Variants in NSMCE2 observed in about 807,000 individuals in gnomAD.
The protein encoded by NSMCE2 is NSE2 SUMO ligase component of SMC5/6 complex.
NSMCE2 carries 24 observed loss-of-function variants against 23.8 expected under a neutral mutation model. The observed-to-expected ratio is 1.01, with a 90% CI of 0.73 to 1.42. NSMCE2 has a LOEUF of 1.42. Ranked by LOEUF, NSMCE2 falls within the 40% of genes most tolerant of loss-of-function variation. The pLI is 0.00. For synonymous variants in NSMCE2, 92 were observed against 94.1 expected, an observed-to-expected ratio of 0.98 and a Z score of 0.13; for missense variants, 284 against 296.5, an observed-to-expected ratio of 0.96 and a Z score of 0.31.
At chr8:125,294,549 A>T (rs1828247874) in intron 5 of NSMCE2, among the ~76,000 whole-genome samples, 1 of 152,180 alleles carries the variant, frequency 6.6e-6, no homozygotes, top group Non-Finnish European at 1.5e-5. Flanking sequence ...TGATGGATTA[A>T]TATTGTAATA....
chr8:125,123,873 ATTC>A (rs1819383823), intron 3 of NSMCE2, among the ~76,000 whole-genome samples: 1 of 152,180 alleles, frequency 6.6e-6, no homozygotes, highest in South Asian at 2.1e-4. Context: ...TAGCTTTTTT[ATTC>A]TTTTATTTGG....
Position 125,366,872 on chromosome 8 carries a change from G to A in NSMCE2, c.731G>A (p.Arg244His), listed in dbSNP as rs139815170. The part of the protein sequence containing the change: ...AIENHNKKRH[R>H]HSE The stretch of plus-strand genomic sequence containing the variant: ...GAGAACCATAACAAGAAAAGACATC[G>A]TCATTCCGAGTAGGAAAAGCCACCT... The change falls in exon 8 of 8, where the codon CGT becomes CAT. Residue 244 changes from arginine to histidine, a missense_variant. Physicochemically the swap from Arg to His is conservative, Grantham distance 29. This residue lies in a region of NSMCE2 where 102 missense variants were observed against 141.0 expected (regional missense o/e 0.72). Coordinates refer to ENST00000287437, the MANE Select transcript of NSMCE2 (RefSeq NM_173685.4). 72 of 1,600,630 alleles carry A rather than the reference G, an allele frequency of 4.5e-5. No homozygotes were observed. Among genetic ancestry groups the A allele is most frequent in the Non-Finnish European group, 5.5e-5 (64 of 1,167,876 alleles).
At chr8:125,356,889 C>A (rs889917052) in intron 5 of NSMCE2, among the ~76,000 whole-genome samples, 1 of 152,190 alleles carries the variant, frequency 6.6e-6, no homozygotes, top group African/African-American at 2.4e-5. Flanking sequence ...AAAAAGGGCA[C>A]CTTGCTAGCC....
chr8:125,131,528 T>C (rs1819771095), intron 3 of NSMCE2, among the ~76,000 whole-genome samples: 1 of 152,210 alleles, frequency 6.6e-6, no homozygotes, highest in South Asian at 2.1e-4. Context: ...CATCAGGATA[T>C]AGATATTGGA....
chr8:125,318,586 A>G (rs575543316), intron 5 of NSMCE2, among the ~76,000 whole-genome samples: 2 of 152,360 alleles, frequency 1.3e-5, no homozygotes, highest in South Asian at 4.1e-4. Flanking sequence ...CTATTGTATC[A>G]GCCAAAAACT....
intron 5 of NSMCE2, among the ~76,000 whole-genome samples, chr8:125,261,398 A>G (rs1826686246): frequency 6.6e-6 from 1 of 152,208 alleles, no homozygotes; most frequent in African/African-American, 2.4e-5. Flanking sequence ...TTATTTATTG[A>G]AGCATCTGCT....
At chr8:125,222,392 TA>T (rs1185529733) in intron 5 of NSMCE2, among the ~76,000 whole-genome samples, 3 of 152,196 alleles carry the variant, frequency 2.0e-5, no homozygotes, top group Non-Finnish European at 4.4e-5. Context: ...CTCCTCTAAG[TA>T]ATTTTGAAGT....
At chr8:125,350,214 G>A (rs1189044198) in intron 5 of NSMCE2, among the ~76,000 whole-genome samples, 2 of 152,216 alleles carry the variant, frequency 1.3e-5, no homozygotes, top group Non-Finnish European at 2.9e-5. Flanking sequence ...GACATGTGCT[G>A]TGTGGAGAAC....
At chr8:125,097,060 G>T (rs530337710) in intron 1 of NSMCE2, among the ~76,000 whole-genome samples, 1 of 152,074 alleles carries the variant, frequency 6.6e-6, no homozygotes, top group Non-Finnish European at 1.5e-5. Context: ...TGTGTAAAAT[G>T]TCTCAACTTG....
intron 5 of NSMCE2, among the ~76,000 whole-genome samples, chr8:125,240,280 AC>A (rs1193767033): frequency 6.6e-6 from 1 of 151,958 alleles, no homozygotes; most frequent in African/African-American, 2.4e-5. Flanking sequence ...ACAAGCCTCC[AC>A]CCCTGGCTAA....
At chr8:125,292,025 G>A (rs1333780230) in intron 5 of NSMCE2, among the ~76,000 whole-genome samples, 3 of 151,882 alleles carry the variant, frequency 2.0e-5, no homozygotes, top group African/African-American at 7.3e-5. Flanking sequence ...AATGAGATTG[G>A]GCCAGGACTA....
intron 5 of NSMCE2, among the ~76,000 whole-genome samples, chr8:125,294,472 C>G (rs1828245496): frequency 6.6e-6 from 1 of 152,116 alleles, no homozygotes; most frequent in African/African-American, 2.4e-5. Context: ...ATGTTATTGT[C>G]TCTTTTTTAT....
chr8:125,346,135 C>G (rs1830427816), intron 5 of NSMCE2, among the ~76,000 whole-genome samples: 1 of 151,474 alleles, frequency 6.6e-6, no homozygotes, highest in Non-Finnish European at 1.5e-5. Flanking sequence ...CCAGCCTGGG[C>G]TACAAGAGCG....
intron 5 of NSMCE2, among the ~76,000 whole-genome samples, chr8:125,298,687 G>A (rs1174303947): frequency 1.2e-5 from 1 of 85,954 alleles, no homozygotes; most frequent in South Asian, 3.8e-4. Context: ...TCATCTGTGG[G>A]TTTTTTTTTG....
intron 5 of NSMCE2, among the ~76,000 whole-genome samples, chr8:125,246,154 A>G (rs151025548): frequency 1.7e-4 from 26 of 152,154 alleles, no homozygotes; most frequent in Admixed American, 1.5e-3. Flanking sequence ...TGACAATTCA[A>G]TCTGCAAAAT....
intron 5 of NSMCE2, among the ~76,000 whole-genome samples, chr8:125,291,251 A>G (rs7003102): frequency 0.22 from 33,305 of 152,132 alleles, 4,315 homozygotes; most frequent in African/African-American, 0.36. Context: ...ATCATAAAAG[A>G]TTCCGTTTAC....
chr8:125,336,907 C>T (rs1586789254), intron 5 of NSMCE2, among the ~76,000 whole-genome samples: 3 of 152,222 alleles, frequency 2.0e-5, no homozygotes, highest in Non-Finnish European at 2.9e-5. Context: ...CATCCATTCA[C>T]TCCCATCTGG....
intron 5 of NSMCE2, among the ~76,000 whole-genome samples, chr8:125,317,942 TAA>T (rs1432001021): frequency 1.3e-5 from 2 of 152,190 alleles, no homozygotes; most frequent in African/African-American, 4.8e-5. Flanking sequence ...AACTATCAGC[TAA>T]AGAGGAAAAT....
intron 5 of NSMCE2, among the ~76,000 whole-genome samples, chr8:125,184,108 A>C (rs1304835681): frequency 6.6e-6 from 1 of 152,194 alleles, no homozygotes. Flanking sequence ...GCCAGTACTC[A>C]TAAACTGTGG....
Sources: allele counts gnomAD v4.1 joint callset (sites outside exome capture counted in the v4.1 genomes callset), GRCh38; gene constraint gnomAD v4.1.1; regional missense constraint gnomAD v4.1.1; transcripts MANE v1.5; gene names NCBI Gene and HGNC (gene_info 2026-07-23, HGNC 2026-07-21).